ST8SIA4: variants seen among roughly 807,000 people sequenced by gnomAD.
ST8SIA4 encodes CMP-N-acetylneuraminate-poly-alpha-2,8-sialyltransferase.
Under a neutral mutation model 33.9 loss-of-function variants are expected in ST8SIA4, and 15 were observed. That is an observed-to-expected ratio of 0.44 (90% CI 0.30 to 0.68). ST8SIA4 has a LOEUF of 0.68. Among genes scored for constraint, ST8SIA4 ranks in the 30% least tolerant of loss-of-function variants. The pLI is 0.10. For synonymous variants in ST8SIA4, 171 were observed against 151.2 expected (o/e 1.13, Z -0.96); for missense variants, 321 against 428.0 (o/e 0.75, Z 2.21).
chr5:100,839,453 T>C (rs1334170447), intron 4 of ST8SIA4, among the ~76,000 whole-genome samples: 4 of 152,096 alleles, frequency 2.6e-5, no homozygotes, highest in Admixed American at 1.3e-4. Context: ...TTTGTTAAAT[T>C]GAAAAAATAA....
Position 100,807,329 on chromosome 5 carries a change from C to T in ST8SIA4, c.*4518G>A, listed in dbSNP as rs1030693853. 4.6e-5 allele frequency: 7 copies of T among 152,560 alleles called. No individual in the cohort carries two copies. Among genetic ancestry groups the T allele is most frequent in the African/African-American group, 1.7e-4 (7 of 41,464 alleles). 9.5% of individuals were successfully genotyped at this position (152,560 alleles called of 1,614,324 possible). On this transcript the variant is annotated 3_prime_UTR_variant, in exon 5 of 5. Transcript: ENST00000231461. ...AACTTGAACTTGACAGAATAAACCT[C>T]ATCTTTCAGTTCCACAAATTCTATA...
chr5:100,866,973 A>G (rs1477765587), intron 3 of ST8SIA4, among the ~76,000 whole-genome samples: 1 of 152,152 alleles, frequency 6.6e-6, no homozygotes. Flanking sequence ...TAATTTCACC[A>G]TTTATCACAG....
intron 3 of ST8SIA4, among the ~76,000 whole-genome samples, chr5:100,879,802 C>T (rs948483235): frequency 6.6e-6 from 1 of 152,088 alleles, no homozygotes; most frequent in Non-Finnish European, 1.5e-5. Flanking sequence ...ACAACAGATG[C>T]CAAATATATG....
chr5:100,862,567 T>C (rs1354054162), intron 3 of ST8SIA4, among the ~76,000 whole-genome samples: 2 of 151,928 alleles, frequency 1.3e-5, no homozygotes, highest in East Asian at 3.9e-4. Context: ...CCAGCCATTT[T>C]TTTTTTGTAT....
chr5:100,857,284 T>C (rs2075732719), intron 3 of ST8SIA4, among the ~76,000 whole-genome samples: 1 of 151,936 alleles, frequency 6.6e-6, no homozygotes, highest in African/African-American at 2.4e-5. Flanking sequence ...AGAAGAAAGC[T>C]TTGAAAAGCA....
At chr5:100,901,144 G>A (rs3756352) in intron 1 of ST8SIA4, among the ~76,000 whole-genome samples, 47,528 of 152,058 alleles carry the variant, frequency 0.31, 7,540 homozygotes, top group African/African-American at 0.33. Context: ...TCCCGGCTCC[G>A]CTTCCCCGCA....
intron 3 of ST8SIA4, among the ~76,000 whole-genome samples, chr5:100,862,586 G>C (rs1285527528): frequency 6.6e-6 from 1 of 151,560 alleles, no homozygotes. Context: ...ATTTTTAGTA[G>C]AGACGGGGTT....
chr5:100,850,209 T>C (rs1374879306), intron 4 of ST8SIA4, among the ~76,000 whole-genome samples: 1 of 152,150 alleles, frequency 6.6e-6, no homozygotes. Context: ...TTAAAAATGG[T>C]AAATAACTTT....
chr5:100,814,677 A>T (rs1750877083), intron 4 of ST8SIA4, among the ~76,000 whole-genome samples: 2 of 151,940 alleles, frequency 1.3e-5, no homozygotes, highest in Non-Finnish European at 2.9e-5. Context: ...ACAGTCAATA[A>T]GACTGTATTT....
chr5:100,856,513 A>C, intron 3 of ST8SIA4, 117 bp from the exon 4 acceptor site: 1 of 970,530 alleles, frequency 1.0e-6, no homozygotes, highest in South Asian at 1.8e-5. Flanking sequence ...TGAAAAGAAA[A>C]CCAAAAGATC....
chr5:100,813,449 A>C (rs1750852981), intron 4 of ST8SIA4, among the ~76,000 whole-genome samples: 1 of 151,950 alleles, frequency 6.6e-6, no homozygotes, highest in African/African-American at 2.4e-5. Flanking sequence ...TGTGTTATGA[A>C]CTCTTTATTA....
At chr5:100,879,861 A>C (rs1299194717) in intron 3 of ST8SIA4, among the ~76,000 whole-genome samples, 1 of 152,174 alleles carries the variant, frequency 6.6e-6, no homozygotes, top group Admixed American at 6.6e-5. Context: ...TACTGTAGGA[A>C]GAATTTGCAT....
At chr5:100,858,464 T>G (rs1400140725) in intron 3 of ST8SIA4, among the ~76,000 whole-genome samples, 1 of 152,074 alleles carries the variant, frequency 6.6e-6, no homozygotes, top group African/African-American at 2.4e-5. Context: ...AAATGATATA[T>G]TCTGCTGAAT....
intron 3 of ST8SIA4, among the ~76,000 whole-genome samples, chr5:100,871,428 T>A (rs982853877): frequency 2.0e-5 from 3 of 152,116 alleles, no homozygotes; most frequent in Non-Finnish European, 4.4e-5. Context: ...GACATATATA[T>A]CTTCACTACA....
chr5:100,849,599 G>T (rs1580461194), intron 4 of ST8SIA4: 1 of 265,776 alleles, frequency 3.8e-6, no homozygotes, highest in Non-Finnish European at 5.7e-6. Context: ...TGGCCAACAT[G>T]GTGAAACCCC....
intron 4 of ST8SIA4, among the ~76,000 whole-genome samples, chr5:100,837,295 C>A (rs1339149142): frequency 2.0e-5 from 3 of 151,928 alleles, no homozygotes; most frequent in Non-Finnish European, 4.4e-5. Context: ...GTGTAATAAA[C>A]CAGAAGTGAT....
At chr5:100,878,819 A>T (rs1752357708) in intron 3 of ST8SIA4, among the ~76,000 whole-genome samples, 1 of 152,174 alleles carries the variant, frequency 6.6e-6, no homozygotes, top group Non-Finnish European at 1.5e-5. Flanking sequence ...TAAAATGTAG[A>T]TACTTTCTAA....
At chr5:100,900,106 T>A (rs1450361148) in intron 1 of ST8SIA4, among the ~76,000 whole-genome samples, 1 of 152,182 alleles carries the variant, frequency 6.6e-6, no homozygotes, top group East Asian at 1.9e-4. Context: ...ACTGTAAGAG[T>A]AACTATAGAT....
intron 2 of ST8SIA4, among the ~76,000 whole-genome samples, chr5:100,887,563 T>A (rs769334177): frequency 1.3e-5 from 2 of 152,008 alleles, no homozygotes; most frequent in Non-Finnish European, 2.9e-5. Flanking sequence ...ATTGAGAGGC[T>A]ACATGAACGT....
Sources: gnomAD v4.1 joint callset for allele counts (sites outside exome capture counted in the v4.1 genomes callset) on GRCh38, gnomAD v4.1.1 for gene constraint, MANE v1.5 for transcripts, NCBI Gene and HGNC (gene_info 2026-07-23, HGNC 2026-07-21) for gene names.